SLC7A5: variants seen among roughly 807,000 people sequenced by gnomAD.
The protein encoded by SLC7A5 is large neutral amino acids transporter small subunit 1.
A neutral mutation model predicts 50.2 loss-of-function variants in SLC7A5; 23 were observed. The observed-to-expected ratio is 0.46, with a 90% CI of 0.33 to 0.65. The LOEUF is 0.65. Among genes scored for constraint, SLC7A5 ranks in the 30% least tolerant of loss-of-function variants. The pLI, the probability that SLC7A5 is intolerant of heterozygous loss-of-function variation, is 0.02. For missense variants in SLC7A5, 578 were observed against 684.4 expected (o/e 0.84, Z 1.73); for synonymous variants, 393 against 330.6 (o/e 1.19, Z -2.05).
intron 2 of SLC7A5, among the ~76,000 whole-genome samples, chr16:87,842,907 T>C (rs1010307118): frequency 6.6e-6 from 1 of 152,154 alleles, no homozygotes; most frequent in African/African-American, 2.4e-5. Context: ...TGCTCTCTGA[T>C]GGAATGTTCT....
intron 2 of SLC7A5, among the ~76,000 whole-genome samples, chr16:87,846,018 C>T (rs1044454579): frequency 6.6e-6 from 1 of 152,214 alleles, no homozygotes; most frequent in Non-Finnish European, 1.5e-5. Context: ...ACTGAGCTCC[C>T]AGAGCAAGCG....
intron 2 of SLC7A5, among the ~76,000 whole-genome samples, chr16:87,850,921 CAACT>C (rs2055213946): frequency 6.6e-6 from 1 of 152,202 alleles, no homozygotes; most frequent in Admixed American, 6.5e-5. Context: ...AGCAAAATAC[CAACT>C]GTGTCAGTCC....
At chr16:87,863,679 C>T (rs2055425198) in intron 1 of SLC7A5, 1 of 151,982 alleles carries the variant, frequency 6.6e-6, no homozygotes, top group Non-Finnish European at 1.5e-5. Context: ...GGATTTTTTT[C>T]ACTCACCGTC....
At chr16:87,858,617 C>T (rs531459324) in intron 1 of SLC7A5, among the ~76,000 whole-genome samples, 90 of 152,230 alleles carry the variant, frequency 5.9e-4, no homozygotes, top group African/African-American at 2.0e-3. Context: ...CACAGCAGTT[C>T]CTGGGCGGCA....
chr16:87,857,764 G>A (rs1391858710), intron 1 of SLC7A5, among the ~76,000 whole-genome samples: 1 of 152,206 alleles, frequency 6.6e-6, no homozygotes, highest in African/African-American at 2.4e-5. Flanking sequence ...CTAACAGGCT[G>A]GTGTCACATT....
At chr16:87,863,885 C>T (rs2055427342) in intron 1 of SLC7A5, among the ~76,000 whole-genome samples, 1 of 150,672 alleles carries the variant, frequency 6.6e-6, no homozygotes, top group South Asian at 2.1e-4. Flanking sequence ...AGCCACTGTA[C>T]CTTCTGTAGG....
chr16:87,849,492 G>A (rs1456108123), intron 2 of SLC7A5, among the ~76,000 whole-genome samples: 2 of 152,164 alleles, frequency 1.3e-5, no homozygotes, highest in East Asian at 1.9e-4. Flanking sequence ...TCTCCCTACC[G>A]AAATTTGTTT....
chr16:87,865,681 TG>T (rs1412550705), intron 1 of SLC7A5, among the ~76,000 whole-genome samples: 7 of 152,232 alleles, frequency 4.6e-5, no homozygotes, highest in East Asian at 1.9e-4. Flanking sequence ...TACTCCAGCC[TG>T]GGTAAGAGCA....
chr16:87,842,123 C>T (rs1038036489), intron 2 of SLC7A5, among the ~76,000 whole-genome samples: 4 of 152,176 alleles, frequency 2.6e-5, no homozygotes, highest in Non-Finnish European at 5.9e-5. Flanking sequence ...AAGACACCAC[C>T]GGAACAAAGG....
chr16:87,839,905 T>C, intron 4 of SLC7A5, 80 bp from the exon 5 acceptor site: 1 of 1,589,200 alleles, frequency 6.3e-7, no homozygotes, highest in South Asian at 1.1e-5. Flanking sequence ...CCAGGTGGGC[T>C]CCTCGCAAGC....
intron 1 of SLC7A5, among the ~76,000 whole-genome samples, chr16:87,857,365 G>A (rs112299059): frequency 1.2e-3 from 187 of 152,196 alleles, no homozygotes; most frequent in African/African-American, 3.5e-3. Context: ...TGCAGCCTCC[G>A]CCTCTGGGGA....
At chr16:87,844,447 G>A (rs772537363) in intron 2 of SLC7A5, among the ~76,000 whole-genome samples, 7 of 152,134 alleles carry the variant, frequency 4.6e-5, no homozygotes, top group Non-Finnish European at 7.4e-5. Context: ...CATCCACCCC[G>A]AGGCTGGAGG....
rs1060251 is a variant in SLC7A5, at chr16:87,838,749, G to A, written c.1008C>T (p.Phe336=). The A allele has an allele frequency of 1.8e-3, 2,843 of 1,614,026 alleles. 43 individuals carry two copies. The African/African-American group carries it at 0.034, about 19-fold the overall frequency. Reference sequence around the variant, plus strand: ...TGAACAGGGACCCATTGACGGAGCCGAAGCAGGACAGGCCCACGAAGACGG... The same window carrying A: ...TGAACAGGGACCCATTGACGGAGCCAAAGCAGGACAGGCCCACGAAGACGG... ...IIPVFVGLSC[F]GSVNGSLFTS... is the part of the protein sequence containing the mutation. Residue 336 remains phenylalanine (F), a synonymous_variant, in exon 6 of 10, where the codon TTC becomes TTT. Transcript: ENST00000261622.
Position 87,836,553 on chromosome 16 carries a change from A to T in SLC7A5, c.1235T>A (p.Ile412Asn). ...GTGGCGCAGCCAGATCATGCCGATG[A>T]TGGCCAGGGCCACGCAGAGCCAGTT... ...FFNWLCVALA[I>N]IGMIWLRHRK... Residue 412 changes from isoleucine to asparagine, a missense_variant, in exon 8 of 10, where the codon ATC (isoleucine) becomes AAC (asparagine). Transcript: ENST00000261622. 6.2e-7 allele frequency: 1 copy of T among 1,613,632 alleles called. No individual in the cohort carries two copies. Among genetic ancestry groups the T allele is most frequent in the Non-Finnish European group, 8.5e-7 (1 of 1,180,020 alleles).
chr16:87,855,960 G>A (rs1166016664), intron 1 of SLC7A5, among the ~76,000 whole-genome samples: 2 of 152,186 alleles, frequency 1.3e-5, no homozygotes, highest in African/African-American at 4.8e-5. Flanking sequence ...CTGGGCCGCC[G>A]GTCCTCACCT....
In SLC7A5 at chr16:87,841,711, G is replaced by A. The variant is rs139918496; in HGVS notation, c.665-556C>T. On this transcript the variant is annotated intron_variant, in intron 2 of 9. Transcript: ENST00000261622. The surrounding 1 kb of genome is among the most constrained non-coding windows in gnomAD (Gnocchi z 4.8). ...GCTGAGTGTGTGGCCAGCTGCAGCC[G>A]GGGCAGGGGCAGGAGCAGGGCTGCC... Among the ~76,000 whole-genome samples the A allele has an allele frequency of 1.1e-4, 16 of 152,306 alleles. No homozygotes were observed. In the East Asian group the frequency reaches 2.5e-3, roughly 24 times the overall value.
chr16:87,839,655 C>T, intron 5 of SLC7A5, 47 bp downstream of exon 5: 1 of 1,610,932 alleles, frequency 6.2e-7, no homozygotes, highest in Non-Finnish European at 8.5e-7. Context: ...GACGGGCTGG[C>T]CACAGCCTCT....
rs910019668 is a variant in SLC7A5 at position 87,833,770 on chromosome 16, G to A, written c.1468+644C>T. 6.6e-5 allele frequency among the ~76,000 whole-genome samples: 10 copies of A among 151,906 alleles called. No individual in the cohort carries two copies. The highest frequency in any genetic ancestry group is 1.2e-4 in the Non-Finnish European group (8 of 67,996). ...TACGAGCCTGGCCACATTTGCAGGC[G>A]CTGAGGACGGGGTCCTGAGCTTGGT... On this transcript the variant is annotated intron_variant, in intron 9 of 9. Coordinates refer to ENST00000261622, the MANE Select transcript of SLC7A5 (RefSeq NM_003486.7). This position sits in a 1 kb window ranked among gnomAD's most constrained non-coding sequence, Gnocchi z 6.0.
Position 87,852,389 on chromosome 16 carries a change from G to A in SLC7A5, c.539-540C>T, listed in dbSNP as rs1446094513. 2.6e-5 allele frequency among the ~76,000 whole-genome samples: 4 copies of A among 152,206 alleles called. No homozygotes were observed. The highest frequency in any genetic ancestry group is 9.7e-5 in the African/African-American group (4 of 41,438). On this transcript the variant is annotated intron_variant, in intron 1 of 9. Coordinates refer to ENST00000261622, the MANE Select transcript of SLC7A5 (RefSeq NM_003486.7). This position sits in a 1 kb window ranked among gnomAD's most constrained non-coding sequence, Gnocchi z 4.5. Reference sequence around the variant, plus strand: ...CCGGAACTACCTGGCCAGTCACCTGGGGACGGCAGCCTGGGAGGGGCCACA... The same window carrying A: ...CCGGAACTACCTGGCCAGTCACCTGAGGACGGCAGCCTGGGAGGGGCCACA...
Sources: allele counts gnomAD v4.1 joint callset (sites outside exome capture counted in the v4.1 genomes callset), GRCh38; gene constraint gnomAD v4.1.1; non-coding constraint Gnocchi (gnomAD v3.1); transcripts MANE v1.5; gene names NCBI Gene and HGNC (gene_info 2026-07-23, HGNC 2026-07-21).